CFAP45: variants seen among roughly 807,000 people sequenced by gnomAD.
CFAP45 encodes the protein cilia and flagella associated protein 45.
Under a neutral mutation model 75.6 loss-of-function variants are expected in CFAP45, and 43 were observed. The observed-to-expected ratio is 0.57, with a 90% CI of 0.45 to 0.73. CFAP45 has a LOEUF of 0.73. Ranked by LOEUF, CFAP45 falls within the 30% of genes least tolerant of loss-of-function variation. The pLI is 0.00. For synonymous variants in CFAP45, 223 were observed against 244.6 expected (o/e 0.91, Z 0.82); for missense variants, 689 against 701.5 (o/e 0.98, Z 0.20).
intron 10 of CFAP45, chr1:159,873,385 G>A (rs1649326176): frequency 5.1e-6 from 3 of 589,526 alleles, no homozygotes; most frequent in Non-Finnish European, 9.1e-6. Context: ...TAGCTCCAGG[G>A]TCGCATGACT....
At chr1:159,892,088 A>G (rs1649842046) in intron 2 of CFAP45, among the ~76,000 whole-genome samples, 1 of 150,414 alleles carries the variant, frequency 6.6e-6, no homozygotes, top group African/African-American at 2.5e-5. Context: ...GGAGTTCAAG[A>G]CCAGCATGGG....
intron 10 of CFAP45, 132 bp downstream of exon 10, chr1:159,876,424 A>T: frequency 1.5e-6 from 1 of 679,626 alleles, no homozygotes. Context: ...CCATCTAGTT[A>T]TAATGATCCC....
intron 2 of CFAP45, among the ~76,000 whole-genome samples, chr1:159,891,039 G>A (rs1273859256): frequency 2.0e-5 from 3 of 152,268 alleles, no homozygotes; most frequent in Non-Finnish European, 2.9e-5. Flanking sequence ...GATTACAGGC[G>A]TGAGCCACCA....
intron 4 of CFAP45, 29 bp from the exon 5 acceptor site, chr1:159,888,040 A>G (rs371163694): frequency 1.4e-5 from 22 of 1,607,534 alleles, no homozygotes; most frequent in East Asian, 8.9e-5. Flanking sequence ...GCTCAGTGGG[A>G]GATTATTTCA....
intron 10 of CFAP45, 48 bp from the exon 11 acceptor site, chr1:159,873,216 G>C: frequency 6.4e-7 from 1 of 1,551,050 alleles, no homozygotes; most frequent in Admixed American, 1.7e-5. Flanking sequence ...AGCTGGCCCA[G>C]GCCAGGAAAG....
intron 1 of CFAP45, among the ~76,000 whole-genome samples, chr1:159,896,089 GA>G: frequency 6.6e-6 from 1 of 152,364 alleles, no homozygotes; most frequent in East Asian, 1.9e-4. Flanking sequence ...TAACGTATGT[GA>G]AAGGGCTTTG....
chr1:159,874,441 AG>A (rs1378594898), intron 10 of CFAP45, among the ~76,000 whole-genome samples: 1 of 152,232 alleles, frequency 6.6e-6, no homozygotes, highest in African/African-American at 2.4e-5. Context: ...GTTTACCCGA[AG>A]AATACTGTTG....
intron 2 of CFAP45, among the ~76,000 whole-genome samples, chr1:159,891,504 A>G (rs1303574609): frequency 6.6e-6 from 1 of 152,198 alleles, no homozygotes; most frequent in African/African-American, 2.4e-5. Flanking sequence ...CAGCAAGAAC[A>G]CAGACTAACT....
intron 10 of CFAP45, among the ~76,000 whole-genome samples, chr1:159,875,693 T>G (rs1348618952): frequency 6.6e-6 from 1 of 152,230 alleles, no homozygotes; most frequent in Non-Finnish European, 1.5e-5. Flanking sequence ...GCTTGTTTCC[T>G]TTTGAAAAAT....
At chr1:159,881,858 C>A (rs1649558707) in intron 7 of CFAP45, among the ~76,000 whole-genome samples, 1 of 152,252 alleles carries the variant, frequency 6.6e-6, no homozygotes, top group South Asian at 2.1e-4. Flanking sequence ...TCCAATCAAT[C>A]TCAGACTCCT....
intron 2 of CFAP45, among the ~76,000 whole-genome samples, chr1:159,891,458 T>C (rs1649830404): frequency 6.6e-6 from 1 of 152,156 alleles, no homozygotes; most frequent in Non-Finnish European, 1.5e-5. Flanking sequence ...TGCCAGCTCA[T>C]TGAGTTGGTG....
chr1:159,899,032 G>GC (rs1025669887), intron 1 of CFAP45, among the ~76,000 whole-genome samples: 5 of 152,168 alleles, frequency 3.3e-5, no homozygotes, highest in Non-Finnish European at 7.4e-5. Context: ...CACCTGTTGT[G>GC]CCCCAGACAT....
chr1:159,894,420 G>A (rs1024288906), intron 1 of CFAP45, among the ~76,000 whole-genome samples: 4 of 152,196 alleles, frequency 2.6e-5, no homozygotes, highest in East Asian at 1.9e-4. Flanking sequence ...GACCTCCTTC[G>A]TGTCTCCACA....
At chr1:159,899,261 G>A (rs1475098372) in intron 1 of CFAP45, among the ~76,000 whole-genome samples, 1 of 152,090 alleles carries the variant, frequency 6.6e-6, no homozygotes, top group Non-Finnish European at 1.5e-5. Flanking sequence ...GCAAACCTGA[G>A]ACCCTCCTCA....
intron 7 of CFAP45, 131 bp downstream of exon 7, chr1:159,884,305 T>C: frequency 1.1e-6 from 1 of 917,514 alleles, no homozygotes; most frequent in Non-Finnish European, 1.6e-6. Context: ...CAATAAAAAG[T>C]TGACGGTGAT....
intron 2 of CFAP45, among the ~76,000 whole-genome samples, chr1:159,891,620 G>A (rs956185038): frequency 1.3e-5 from 2 of 152,232 alleles, no homozygotes; most frequent in Non-Finnish European, 2.9e-5. Flanking sequence ...GAAAGGATGT[G>A]TCATTAATGC....
chr1:159,890,762 T>C (rs1170582808), intron 2 of CFAP45, 140 bp from the exon 3 acceptor site: 43 of 632,638 alleles, frequency 6.8e-5, no homozygotes, highest in Non-Finnish European at 9.8e-5. Flanking sequence ...CTTTTCTTTT[T>C]TTTTTTTTTT....
intron 3 of CFAP45, 110 bp downstream of exon 3, chr1:159,890,370 G>T: frequency 1.1e-6 from 1 of 946,834 alleles, no homozygotes; most frequent in Non-Finnish European, 1.6e-6. Context: ...GGAAAGAAGT[G>T]GGGATTGGAC....
At chr1:159,875,740 AGT>A (rs1407585711) in intron 10 of CFAP45, among the ~76,000 whole-genome samples, 1 of 152,204 alleles carries the variant, frequency 6.6e-6, no homozygotes, top group Non-Finnish European at 1.5e-5. Flanking sequence ...GCAAAAAGAG[AGT>A]CATTCCCAGT....
Sources: gnomAD v4.1 joint callset for allele counts (sites outside exome capture counted in the v4.1 genomes callset) on GRCh38, gnomAD v4.1.1 for gene constraint, MANE v1.5 for transcripts, NCBI Gene and HGNC (gene_info 2026-07-23, HGNC 2026-07-21) for gene names.